NAGK: variants seen among roughly 807,000 people sequenced by gnomAD.
The protein encoded by NAGK is N-acetyl-D-glucosamine kinase.
A neutral mutation model predicts 42.9 loss-of-function variants in NAGK; 35 were observed. That is an observed-to-expected ratio of 0.82 (90% CI 0.62 to 1.08). The LOEUF (loss-of-function observed/expected upper bound fraction) is 1.08. NAGK is among the 50% of genes least tolerant of loss of function. The probability of loss-of-function intolerance (pLI) is 0.00; values close to 1 mark genes in which losing one functional copy is unlikely to be tolerated. For synonymous variants in NAGK, 172 were observed against 176.0 expected (o/e 0.98, Z 0.18); for missense variants, 446 against 446.0 (o/e 1.00, Z 0.00).
At chr2:71,078,277 C>T in intron 9 of NAGK, 41 bp from the exon 10 acceptor site, 1 of 1,592,544 alleles carries the variant, frequency 6.3e-7, no homozygotes, top group African/African-American at 1.3e-5. Context: ...GTACAGGTTG[C>T]TGTTCTCCTC....
In NAGK at chr2:71,079,600, T is replaced by G. The variant is rs1672334500; in HGVS notation, c.*1092T>G. 6.6e-6 allele frequency: 1 copy of G among 152,074 alleles called. No individual in the cohort carries two copies. The highest frequency in any genetic ancestry group is 2.1e-4 in the South Asian group (1 of 4,822). The allele number at this position is 152,074 out of a possible 1,614,324, so 9.4% of individuals were successfully genotyped here. A position where few individuals can be genotyped will look rare whatever the true frequency, so the allele number is the denominator to read the frequency against. ...ATTGAGACCATCCTGGCTAACACGGTGAAACTCCATCTCTACTAAAAAATA... is the reference window on the plus strand; with the variant it reads ...ATTGAGACCATCCTGGCTAACACGGGGAAACTCCATCTCTACTAAAAAATA... On this transcript the variant is annotated 3_prime_UTR_variant, in exon 10 of 10. Transcript: ENST00000244204.
rs769108239 is a variant in NAGK, at chr2:71,075,576, C to T, written c.601C>T (p.Leu201Phe). The T allele has an allele frequency of 6.2e-7, 1 of 1,614,034 alleles. No homozygotes were observed. The change falls in exon 7 of 10, where the codon CTC becomes TTC. Residue 201 changes from leucine to phenylalanine, a missense_variant. Physicochemically the swap from Leu to Phe is conservative, Grantham distance 22. Transcript: ENST00000244204. ...YFQVPDRLGI[L>F]THLYRDFDKC... is the part of the protein sequence containing the mutation. ...TCAGGTGCCAGATCGGCTAGGGATACTCACTCACCTGTATAGGGACTTTGA... is the reference window on the plus strand; with the variant it reads ...TCAGGTGCCAGATCGGCTAGGGATATTCACTCACCTGTATAGGGACTTTGA...
In NAGK at chr2:71,078,682, A is replaced by C. The variant is rs77436320; in HGVS notation, c.*174A>C. 0.036 allele frequency: 26,907 copies of C among 751,176 alleles called. 3,598 individuals are homozygous for C. The East Asian group carries it at 0.43, about 12-fold the overall frequency. The allele number at this position is 751,176 out of a possible 1,614,324, so 46.5% of individuals were successfully genotyped here. A position where few individuals can be genotyped will look rare whatever the true frequency, so the allele number is the denominator to read the frequency against. On this transcript the variant is annotated 3_prime_UTR_variant, in exon 10 of 10. Coordinates refer to ENST00000244204, the MANE Select transcript of NAGK (RefSeq NM_017567.6). ...AAACACATGTGCTATGTACATCCTC[A>C]GTGCACCTGCCAGCAGATATCCTGG...
chr2:71,071,616 A>AGG, intron 3 of NAGK, 70 bp from the exon 4 acceptor site: 1 of 1,511,516 alleles, frequency 6.6e-7, no homozygotes, highest in South Asian at 1.2e-5. Context: ...AGGCATCAGG[A>AGG]GGGGGCGGGG....
At chr2:71,075,886 G>A in intron 7 of NAGK, 1 of 533,102 alleles carries the variant, frequency 1.9e-6, no homozygotes, top group East Asian at 3.0e-5. Flanking sequence ...GCTTGCTTAG[G>A]CTGTATGCCT....
intron 3 of NAGK, chr2:71,071,358 G>T (rs1217135581): frequency 5.8e-6 from 2 of 346,402 alleles, no homozygotes; most frequent in African/African-American, 4.1e-5. Flanking sequence ...GGCAAACCTC[G>T]TGTATACCAA....
At position 71,073,648 on chromosome 2, in the gene NAGK, C is replaced by T. The variant is rs1672111765; in HGVS notation, c.579+54C>T. The T allele has an allele frequency of 2.6e-5, 37 of 1,416,616 alleles. No homozygotes were observed. The South Asian group carries it at 4.1e-4, about 16-fold the overall frequency. The allele number at this position is 1,416,616 out of a possible 1,614,324, so 87.8% of individuals were successfully genotyped here. On this transcript the variant is annotated intron_variant, in intron 6 of 9. Transcript: ENST00000244204. Reference sequence around the variant, plus strand: ...GCACCTGGGGTAGGGCAGTGAAACACTCCAAGTAAGAGTGGATGCAGGGGA... The same window carrying T: ...GCACCTGGGGTAGGGCAGTGAAACATTCCAAGTAAGAGTGGATGCAGGGGA...
chr2:71,068,744 C>G, intron 1 of NAGK, 32 bp downstream of exon 1: 1 of 1,447,780 alleles, frequency 6.9e-7, no homozygotes, highest in Non-Finnish European at 9.1e-7. Flanking sequence ...GAGCCTGGGC[C>G]CGAAGGCGGG....
intron 9 of NAGK, among the ~76,000 whole-genome samples, chr2:71,078,079 A>C (rs2103724968): frequency 6.6e-6 from 1 of 152,264 alleles, no homozygotes; most frequent in East Asian, 1.9e-4. Context: ...TCCCATTGCT[A>C]CCATGGAATT....
chr2:71,071,930 C>A, intron 4 of NAGK, 103 bp downstream of exon 4: 1 of 1,425,802 alleles, frequency 7.0e-7, no homozygotes, highest in South Asian at 1.3e-5. Flanking sequence ...AGAAGGCAGC[C>A]ACTCTTATAT....
chr2:71,070,222 G>A, intron 1 of NAGK: 1 of 347,532 alleles, frequency 2.9e-6, no homozygotes, highest in South Asian at 2.6e-5. Flanking sequence ...CTAATTCGTT[G>A]GGGTGGGCCA....
upstream of NAGK, chr2:71,068,599 G>A (rs372453300): frequency 8.5e-6 from 13 of 1,523,730 alleles, no homozygotes; most frequent in African/African-American, 1.9e-4. Context: ...CGGGAAGTGG[G>A]GCGGTGCCCA....
chr2:71,070,324 AT>A, intron 1 of NAGK, 177 bp from the exon 2 acceptor site: 1 of 548,312 alleles, frequency 1.8e-6, no homozygotes, highest in Non-Finnish European at 3.3e-6. Flanking sequence ...AGTGAGAATT[AT>A]GTTTCAGTTA....
chr2:71,079,253 G>A lies in NAGK; in HGVS notation c.*745G>A, dbSNP rs1672326220. The A allele has an allele frequency of 6.6e-6, 1 of 152,286 alleles. No homozygotes were observed. The highest frequency in any genetic ancestry group is 2.4e-5 in the African/African-American group (1 of 41,466). 9.4% of individuals were successfully genotyped at this position (152,286 alleles called of 1,614,324 possible). ...CTATGTGTTGTGTGTTCCTGGGAAT[G>A]AGGAGCATCAGTGAAGAGCAGACAT... On this transcript the variant is annotated 3_prime_UTR_variant, in exon 10 of 10. Transcript: ENST00000244204.
intron 6 of NAGK, among the ~76,000 whole-genome samples, chr2:71,074,327 G>C (rs1359182618): frequency 6.6e-6 from 1 of 152,162 alleles, no homozygotes; most frequent in East Asian, 1.9e-4. Context: ...AGGGCTGAGG[G>C]ATTGATGATT....
chr2:71,072,616 T>G (rs905089197), intron 4 of NAGK, 25 bp from the exon 5 acceptor site: 14 of 1,594,124 alleles, frequency 8.8e-6, no homozygotes, highest in Non-Finnish European at 1.1e-5. Context: ...TCGGCCACAC[T>G]GAGCCTCCTA....
chr2:71,077,514 G>C, intron 8 of NAGK, 44 bp from the exon 9 acceptor site: 1 of 1,559,714 alleles, frequency 6.4e-7, no homozygotes, highest in South Asian at 1.2e-5. Context: ...CAGCACTGGA[G>C]AGGCTAGGTT....
chr2:71,070,256 C>A, intron 1 of NAGK: 1 of 410,342 alleles, frequency 2.4e-6, no homozygotes, highest in Non-Finnish European at 4.6e-6. Context: ...GTTTCGAGGA[C>A]TAGGTGAAGC....
In NAGK at chr2:71,071,743, C is replaced by A. The variant is rs767515267; in HGVS notation, c.271C>A (p.Leu91Met). The change falls in exon 4 of 10, where the codon CTG becomes ATG. Residue 91 changes from leucine (L) to methionine (M), a missense_variant. Coordinates refer to ENST00000244204, the MANE Select transcript of NAGK (RefSeq NM_017567.6). ...EDAGRILIEE[L>M]RDRFPYLSES... The stretch of plus-strand genomic sequence containing the variant: ...CGCGGGGAGGATCCTGATCGAGGAG[C>A]TGAGGGACCGATTTCCCTACCTGAG... 30 of 1,614,034 alleles carry A rather than the reference C, an allele frequency of 1.9e-5. No homozygotes were observed. The highest frequency in any genetic ancestry group is 5.1e-6 in the Non-Finnish European group (6 of 1,180,036).
Sources: allele counts gnomAD v4.1 joint callset (sites outside exome capture counted in the v4.1 genomes callset), GRCh38; gene constraint gnomAD v4.1.1; transcripts MANE v1.5; gene names NCBI Gene and HGNC (gene_info 2026-07-23, HGNC 2026-07-21).